Variants in ANXA8 observed in about 807,000 individuals in gnomAD.
The protein encoded by ANXA8 is annexin A8, also known as VAC-beta.
Under a neutral mutation model 26.8 loss-of-function variants are expected in ANXA8, and 9 were observed. The observed-to-expected ratio is 0.34, with a 90% CI of 0.20 to 0.59. The LOEUF is 0.59. ANXA8 is among the 20% of genes least tolerant of loss of function. The pLI, the probability that ANXA8 is intolerant of heterozygous loss-of-function variation, is 0.84. For synonymous variants in ANXA8, 39 were observed against 94.8 expected, an observed-to-expected ratio of 0.41 and a Z score of 3.42; for missense variants, 83 against 238.5, an observed-to-expected ratio of 0.35 and a Z score of 4.29.
chr10:47,607,981 T>C, the ANXA8 span, among the ~76,000 whole-genome samples: 2 of 145,462 alleles, frequency 1.4e-5, no homozygotes, highest in Admixed American at 6.8e-5. Flanking sequence ...TTGTAGTTAT[T>C]TTATCTATTA....
At chr10:47,545,061 TTTTGTTTG>T in the ANXA8 span, among the ~76,000 whole-genome samples, 19 of 19,762 alleles carry the variant, frequency 9.6e-4, no homozygotes, top group African/African-American at 3.9e-3. Context: ...TCTTCAGTCT[TTTTGTTTG>T]TTTGTTTGTT....
the ANXA8 span, among the ~76,000 whole-genome samples, chr10:47,700,985 G>C: frequency 1.1e-4 from 16 of 151,382 alleles, no homozygotes; most frequent in Non-Finnish European, 5.9e-5. Flanking sequence ...AGGAGGCTGA[G>C]GCAGGAGGAT....
the ANXA8 span, among the ~76,000 whole-genome samples, chr10:47,969,253 A>C: frequency 6.6e-6 from 1 of 151,512 alleles, no homozygotes; most frequent in Non-Finnish European, 1.5e-5. Context: ...TTAGCATTAG[A>C]GAATTGTTTC....
chr10:47,962,671 C>CACACAAGTGTAT, the ANXA8 span, among the ~76,000 whole-genome samples: 1 of 141,518 alleles, frequency 7.1e-6, no homozygotes, highest in African/African-American at 2.6e-5. Flanking sequence ...CTTATAAGCA[C>CACACAAGTGTAT]ACACAGTCCT....
chr10:47,565,380 G>A, the ANXA8 span: 2 of 482,358 alleles, frequency 4.1e-6, no homozygotes, highest in South Asian at 6.0e-5. Flanking sequence ...GGCCTGCGCA[G>A]CCTGCGCCTC....
the ANXA8 span, among the ~76,000 whole-genome samples, chr10:47,684,662 T>G: frequency 6.6e-6 from 1 of 151,858 alleles, no homozygotes; most frequent in Non-Finnish European, 1.5e-5. Flanking sequence ...CTTGGCTCAC[T>G]GCAACTTCCA....
At chr10:47,693,023 C>CCGT in the ANXA8 span, among the ~76,000 whole-genome samples, 10 of 151,904 alleles carry the variant, frequency 6.6e-5, no homozygotes, top group African/African-American at 2.2e-4. Flanking sequence ...GTGTGAGCCA[C>CCGT]CGTGCCTGGC....
rs1316654558 is a variant in ANXA8 at position 47,484,099 on chromosome 10, C to A, written c.-166G>T. 1 of 1,572,368 alleles carries A rather than the reference C, an allele frequency of 6.4e-7. No homozygotes were observed. Among genetic ancestry groups the A allele is most frequent in the Non-Finnish European group, 8.7e-7 (1 of 1,148,154 alleles). ...GCAGCGCCACACCTGCCTGCCGTCC[C>A]CTCGCCCCCGGGCTCTGCCTGGCTT... On this transcript the variant is annotated 5_prime_UTR_variant, in exon 1 of 12. Transcript: ENST00000585281.
the ANXA8 span, among the ~76,000 whole-genome samples, chr10:47,693,848 G>GA: frequency 3.0e-3 from 447 of 150,626 alleles, 2 homozygotes; most frequent in African/African-American, 9.1e-3. Flanking sequence ...TATTGTAAAT[G>GA]AAAAAAAAAT....
At chr10:47,747,194 G>A in the ANXA8 span, among the ~76,000 whole-genome samples, 2 of 151,898 alleles carry the variant, frequency 1.3e-5, no homozygotes, top group Non-Finnish European at 2.9e-5. Context: ...ATAGCTAAGA[G>A]GCAGCAAAGG....
chr10:47,574,109 CTTTTT>C, the ANXA8 span, among the ~76,000 whole-genome samples: 11 of 25,414 alleles, frequency 4.3e-4, no homozygotes, highest in East Asian at 4.9e-4. Flanking sequence ...AGTTTAACCT[CTTTTT>C]TTTTTTTTTT....
At chr10:47,499,121 A>G in the ANXA8 span, among the ~76,000 whole-genome samples, 4 of 135,134 alleles carry the variant, frequency 3.0e-5, no homozygotes, top group Non-Finnish European at 6.2e-5. Flanking sequence ...AAAATAAAAA[A>G]TAATTTTTTT....
the ANXA8 span, among the ~76,000 whole-genome samples, chr10:47,709,643 A>G: frequency 7.6e-6 from 1 of 130,964 alleles, no homozygotes; most frequent in Non-Finnish European, 1.6e-5. Flanking sequence ...GGAAAAAAGC[A>G]GCACTGTGAA....
chr10:47,705,077 T>C, the ANXA8 span, among the ~76,000 whole-genome samples: 1 of 152,024 alleles, frequency 6.6e-6, no homozygotes, highest in Non-Finnish European at 1.5e-5. Flanking sequence ...ACCAATAAGA[T>C]TTTCATGTAA....
At chr10:47,668,107 G>C in the ANXA8 span, among the ~76,000 whole-genome samples, 11 of 150,564 alleles carry the variant, frequency 7.3e-5, no homozygotes, top group African/African-American at 2.7e-4. Context: ...TTATTTCACT[G>C]GTTTTTTTTC....
chr10:47,694,516 G>A, the ANXA8 span, among the ~76,000 whole-genome samples: 1 of 149,922 alleles, frequency 6.7e-6, no homozygotes, highest in Non-Finnish European at 1.5e-5. Flanking sequence ...TGCCTCCTGG[G>A]TTCAAGTGAT....
At chr10:47,580,364 A>G in the ANXA8 span, among the ~76,000 whole-genome samples, 7 of 152,240 alleles carry the variant, frequency 4.6e-5, no homozygotes, top group Non-Finnish European at 8.8e-5. Flanking sequence ...TATTCCTCTC[A>G]AGTGCATATG....
the ANXA8 span, among the ~76,000 whole-genome samples, chr10:47,907,765 CAAAA>C: frequency 4.4e-4 from 12 of 27,178 alleles, 4 homozygotes; most frequent in African/African-American, 6.6e-4. Context: ...GAGACTGTCT[CAAAA>C]AAAAAAAAAA....
chr10:47,654,180 T>A, the ANXA8 span, among the ~76,000 whole-genome samples: 1 of 150,650 alleles, frequency 6.6e-6, no homozygotes, highest in African/African-American at 2.5e-5. Context: ...TGGGTTGTCA[T>A]GGGTTAAAAC....
Sources: gnomAD v4.1 joint callset for allele counts (sites outside exome capture counted in the v4.1 genomes callset) on GRCh38, gnomAD v4.1.1 for gene constraint, MANE v1.5 for transcripts, NCBI Gene and HGNC (gene_info 2026-07-23, HGNC 2026-07-21) for gene names.